The following FBXW12 variants were observed in gnomAD, a reference collection of about 807,000 sequenced individuals.
FBXW12 encodes F-box/WD repeat-containing protein 12.
Under a neutral mutation model 55.3 loss-of-function variants are expected in FBXW12, and 43 were observed. The observed-to-expected ratio is 0.78, with a 90% CI of 0.61 to 1.00. The LOEUF is 1.00. FBXW12 is among the 50% of genes least tolerant of loss of function. The probability of loss-of-function intolerance (pLI) is 0.00; values close to 1 mark genes in which losing one functional copy is unlikely to be tolerated. For synonymous variants in FBXW12, 184 were observed against 203.8 expected, an observed-to-expected ratio of 0.90 and a Z score of 0.83; for missense variants, 524 against 560.5, an observed-to-expected ratio of 0.93 and a Z score of 0.66.
intron 10 of FBXW12, among the ~76,000 whole-genome samples, chr3:48,393,769 ATTT>A (rs1384091406): frequency 7.2e-6 from 1 of 138,000 alleles, no homozygotes; most frequent in South Asian, 2.4e-4. Flanking sequence ...ATGAGAAAAT[ATTT>A]TTTTTCTTTC....
At chr3:48,390,693 C>T (rs1479619654) in intron 10 of FBXW12, among the ~76,000 whole-genome samples, 12 of 151,900 alleles carry the variant, frequency 7.9e-5, no homozygotes, top group African/African-American at 2.9e-4. Flanking sequence ...GGATTACAGG[C>T]GTGAGCCACC....
At chr3:48,387,856 T>C (rs1015126652) in intron 10 of FBXW12, among the ~76,000 whole-genome samples, 3 of 152,208 alleles carry the variant, frequency 2.0e-5, no homozygotes, top group African/African-American at 7.2e-5. Flanking sequence ...TGAGTCACTG[T>C]GCCTGACATT....
intron 5 of FBXW12, among the ~76,000 whole-genome samples, chr3:48,376,351 T>C (rs2036685742): frequency 6.6e-6 from 1 of 152,202 alleles, no homozygotes; most frequent in Non-Finnish European, 1.5e-5. Context: ...ACCAATAACA[T>C]GGAATGCATT....
intron 10 of FBXW12, among the ~76,000 whole-genome samples, chr3:48,387,978 A>T (rs1269778053): frequency 6.6e-6 from 1 of 152,156 alleles, no homozygotes; most frequent in African/African-American, 2.4e-5. Context: ...TGCAATCCTC[A>T]GATTTTGATT....
At chr3:48,383,622 G>A (rs2036808431) in intron 10 of FBXW12, among the ~76,000 whole-genome samples, 1 of 152,142 alleles carries the variant, frequency 6.6e-6, no homozygotes, top group African/African-American at 2.4e-5. Context: ...GGGCTTGGGG[G>A]ATTGTATCTA....
chr3:48,373,754 G>A (rs2036638420), intron 4 of FBXW12, 49 bp downstream of exon 4: 1 of 1,533,298 alleles, frequency 6.5e-7, no homozygotes, highest in South Asian at 1.2e-5. Context: ...GTTTTCAGAG[G>A]TCCACTCTAT....
rs777756683 is a variant in FBXW12 at position 48,381,699 on chromosome 3, G to A, written c.986-1G>A. On this transcript the variant is annotated splice_acceptor_variant, in intron 8 of 10. Coordinates refer to ENST00000296438, the MANE Select transcript of FBXW12 (RefSeq NM_207102.2). LOFTEE classifies it high-confidence loss of function. Reference sequence around the variant, plus strand: ...TATATGTGCGTTTTACATGAAAACAGCATATGAGATCGCAAGTTTCCAGGT... The same window carrying A: ...TATATGTGCGTTTTACATGAAAACAACATATGAGATCGCAAGTTTCCAGGT... The A allele has an allele frequency of 1.9e-6, 3 of 1,564,946 alleles. No individual in the cohort carries two copies. Among genetic ancestry groups the A allele is most frequent in the Non-Finnish European group, 2.6e-6 (3 of 1,155,906 alleles).
In FBXW12 at chr3:48,378,211, A is replaced by G. The variant is rs975776068; in HGVS notation, c.406-106A>G. On this transcript the variant is annotated intron_variant, in intron 5 of 10. Transcript: ENST00000296438. ...ACTTTCATATCCTCTGCCCAGAAGCAAGAAGATCTGATTTGGAAGAGGCTT... is the reference window on the plus strand; with the variant it reads ...ACTTTCATATCCTCTGCCCAGAAGCGAGAAGATCTGATTTGGAAGAGGCTT... The G allele has an allele frequency of 2.8e-5, 24 of 849,746 alleles. No homozygotes were observed. The African/African-American group carries it at 3.4e-4, about 12-fold the overall frequency. The allele number at this position is 849,746 out of a possible 1,614,324, so 52.6% of individuals were successfully genotyped here.
At chr3:48,390,494 A>G (rs2106654797) in intron 10 of FBXW12, among the ~76,000 whole-genome samples, 1 of 144,672 alleles carries the variant, frequency 6.9e-6, no homozygotes, top group Non-Finnish European at 1.5e-5. Context: ...GGCTCGTTAC[A>G]ACCTCCACCT....
intron 10 of FBXW12, among the ~76,000 whole-genome samples, chr3:48,384,998 A>G (rs939006070): frequency 6.6e-6 from 1 of 152,176 alleles, no homozygotes; most frequent in African/African-American, 2.4e-5. Flanking sequence ...ATCTACTCTC[A>G]GCAAATTTGT....
chr3:48,382,124 C>CT (rs750293056), intron 10 of FBXW12, 39 bp downstream of exon 10: 60,285 of 1,006,162 alleles, frequency 0.06, 1 homozygote, highest in South Asian at 0.075. Context: ...CCCTAAACAA[C>CT]TTTTTTTTTT....
intron 10 of FBXW12, among the ~76,000 whole-genome samples, chr3:48,384,865 CAAAT>C (rs1234498523): frequency 1.3e-5 from 2 of 151,972 alleles, no homozygotes; most frequent in Non-Finnish European, 2.9e-5. Context: ...TTTTAATTAA[CAAAT>C]AATTATATAT....
At chr3:48,374,579 T>A (rs1157249490) in intron 4 of FBXW12, among the ~76,000 whole-genome samples, 3 of 151,194 alleles carry the variant, frequency 2.0e-5, no homozygotes. Context: ...CCACCTGCCT[T>A]GGCCTCCCAA....
intron 6 of FBXW12, among the ~76,000 whole-genome samples, chr3:48,379,169 G>T (rs2036728341): frequency 6.6e-6 from 1 of 152,230 alleles, no homozygotes; most frequent in African/African-American, 2.4e-5. Flanking sequence ...AAAGCATAGT[G>T]TTGATGTGCT....
intron 10 of FBXW12, among the ~76,000 whole-genome samples, chr3:48,388,274 A>G (rs1460715594): frequency 6.6e-6 from 1 of 152,202 alleles, no homozygotes; most frequent in Non-Finnish European, 1.5e-5. Context: ...ATGTTTTATA[A>G]GTAACAATTA....
chr3:48,372,347 C>T (rs1173685895), intron 1 of FBXW12, 27 bp downstream of exon 1: 3 of 1,551,738 alleles, frequency 1.9e-6, no homozygotes, highest in East Asian at 2.4e-5. Flanking sequence ...GGCAAGCAGA[C>T]TCCAATTCCA....
rs1421796093 is a variant in FBXW12 at position 48,373,309 on chromosome 3, A to T, written c.92A>T (p.His31Leu). 7.4e-6 allele frequency: 12 copies of T among 1,614,070 alleles called. No homozygotes were observed. The highest frequency in any genetic ancestry group is 1.0e-5 in the Non-Finnish European group (12 of 1,180,022). Reference sequence around the variant, plus strand: ...TGTCTCTTCCTTTCTCTCCCATAGCATTGGAATAGGATTGCAGACAGTGAT... The same window carrying T: ...TGTCTCTTCCTTTCTCTCCCATAGCTTTGGAATAGGATTGCAGACAGTGAT... Reference protein sequence around the residue: ...GLLQVSQVNKHWNRIADSDYL... With the variant: ...GLLQVSQVNKLWNRIADSDYL... Residue 31 changes from histidine to leucine, a missense_variant and splice_region_variant, in exon 3 of 11, where the codon CAT becomes CTT. By Grantham distance (99) the His-to-Leu change is moderately conservative. Transcript: ENST00000296438.
intron 10 of FBXW12, among the ~76,000 whole-genome samples, chr3:48,385,393 A>G (rs1452436335): frequency 8.1e-6 from 1 of 123,658 alleles, no homozygotes; most frequent in Non-Finnish European, 1.9e-5. Context: ...CATATACCAC[A>G]TTTTCTTTAT....
At chr3:48,391,355 C>CACATAT (rs1301553701) in intron 10 of FBXW12, among the ~76,000 whole-genome samples, 15 of 141,628 alleles carry the variant, frequency 1.1e-4, no homozygotes, top group South Asian at 2.3e-4. Context: ...CACACACACA[C>CACATAT]ATATATATAT....
Sources: allele counts gnomAD v4.1 joint callset (sites outside exome capture counted in the v4.1 genomes callset), GRCh38; gene constraint gnomAD v4.1.1; transcripts MANE v1.5; gene names NCBI Gene and HGNC (gene_info 2026-07-23, HGNC 2026-07-21).